The following ANKRD44 variants were observed in gnomAD, a reference collection of about 807,000 sequenced individuals.
The protein encoded by ANKRD44 is serine/threonine-protein phosphatase 6 regulatory ankyrin repeat subunit B.
Under a neutral mutation model 116.0 loss-of-function variants are expected in ANKRD44, and 35 were observed. The ratio of observed to expected loss-of-function variants is 0.30; its 90% CI spans 0.23 to 0.40. ANKRD44 has a LOEUF of 0.40. Ranked by LOEUF, ANKRD44 falls within the 10% of genes least tolerant of loss-of-function variation. ANKRD44 has a pLI of 1.00. For missense variants in ANKRD44, 1,014 were observed against 1,242.6 expected, an observed-to-expected ratio of 0.82 and a Z score of 2.77; for synonymous variants, 435 against 461.8, an observed-to-expected ratio of 0.94 and a Z score of 0.74.
intron 18 of ANKRD44, among the ~76,000 whole-genome samples, chr2:197,012,162 C>G (rs764099333): frequency 2.6e-5 from 4 of 152,210 alleles, no homozygotes; most frequent in Non-Finnish European, 5.9e-5. Context: ...ATTTTGTGAA[C>G]AGTCCAGTGA....
At position 197,125,884 on chromosome 2, in the gene ANKRD44, C is replaced by T. The variant is rs749325331; in HGVS notation, c.415G>A (p.Gly139Arg). Residue 139 changes from glycine to arginine, a missense_variant, in exon 5 of 28, where the codon GGG (glycine) becomes AGG (arginine). Physicochemically the swap from Gly to Arg is moderately radical, Grantham distance 125 (BLOSUM62 -2). Coordinates refer to ENST00000282272, the MANE Select transcript of ANKRD44 (RefSeq NM_001195144.2). ...LLSSVNVSDR[G>R]GRTALHHAAL... is the part of the protein sequence containing the mutation. ...GCATGGTGCAAGGCTGTGCGCCCCC[C>T]TCGGTCGGAGACATTGACACTGCTC... The T allele has an allele frequency of 6.2e-6, 10 of 1,614,230 alleles. No individual in the cohort carries two copies. The highest frequency in any genetic ancestry group is 8.5e-6 in the Non-Finnish European group (10 of 1,180,050).
chr2:197,050,889 G>A (rs2077094102), intron 16 of ANKRD44, among the ~76,000 whole-genome samples: 1 of 151,886 alleles, frequency 6.6e-6, no homozygotes, highest in South Asian at 2.1e-4. Context: ...ATTCTCAGCT[G>A]TGATTGAGTT....
At chr2:197,078,938 C>T (rs1407241065) in intron 15 of ANKRD44, 124 bp from the exon 16 acceptor site, 2 of 944,312 alleles carry the variant, frequency 2.1e-6, no homozygotes, top group Non-Finnish European at 3.0e-6. Context: ...CTTTAAAAAT[C>T]CTACAGCAAT....
rs190632502 is a variant in ANKRD44 at position 197,068,650 on chromosome 2, G to A, written c.1650+10053C>T. ...CAACCCCATCAAAAAGTGGGCAAAG[G>A]ATATGAACAGACAGAAAACATTTAT... On this transcript the variant is annotated intron_variant, in intron 16 of 27. Transcript: ENST00000282272. Among the ~76,000 whole-genome samples, 824 of 152,136 alleles carry A rather than the reference G, an allele frequency of 5.4e-3. 7 individuals are homozygous for A. Among genetic ancestry groups the A allele is most frequent in the Non-Finnish European group, 8.6e-3 (587 of 67,994 alleles).
At position 197,162,233 on chromosome 2, in the gene ANKRD44, A is replaced by G. The variant is rs533074522; in HGVS notation, c.112-15128T>C. ...CCCCAAGATGATATGCTTATGTTTT[A>G]AGCACAGCTGTTCCAACATGATTTT... On this transcript the variant is annotated intron_variant, in intron 2 of 27. Transcript: ENST00000282272. Among the ~76,000 whole-genome samples the G allele has an allele frequency of 5.3e-5, 8 of 152,324 alleles. No homozygotes were observed. The East Asian group carries it at 1.5e-3, about 29-fold the overall frequency.
intron 17 of ANKRD44, 142 bp from the exon 18 acceptor site, chr2:197,013,854 T>A: frequency 1.3e-6 from 1 of 761,244 alleles, no homozygotes; most frequent in Non-Finnish European, 2.2e-6. Flanking sequence ...GAATATTTAT[T>A]AAAACTCAGG....
intron 1 of ANKRD44, among the ~76,000 whole-genome samples, chr2:197,223,638 G>A (rs566760812): frequency 3.3e-5 from 5 of 152,270 alleles, no homozygotes; most frequent in African/African-American, 1.2e-4. Flanking sequence ...CAGATGCAAA[G>A]TTTTTCCCAG....
At chr2:197,165,653 T>C (rs1175021752) in intron 2 of ANKRD44, among the ~76,000 whole-genome samples, 1 of 152,212 alleles carries the variant, frequency 6.6e-6, no homozygotes, top group African/African-American at 2.4e-5. Context: ...TGCTGGAGTT[T>C]TCCTGGGAGC....
At chr2:197,285,738 A>G (rs1016806961) in intron 1 of ANKRD44, among the ~76,000 whole-genome samples, 1 of 152,232 alleles carries the variant, frequency 6.6e-6, no homozygotes, top group Non-Finnish European at 1.5e-5. Flanking sequence ...TTGCAGAAAA[A>G]CAAAAAGGAA....
intron 3 of ANKRD44, among the ~76,000 whole-genome samples, 173 bp downstream of exon 3, chr2:197,146,854 A>G (rs1559102311): frequency 6.6e-6 from 1 of 152,236 alleles, no homozygotes; most frequent in African/African-American, 2.4e-5. Flanking sequence ...GTCATTTTTC[A>G]ATAAGAACAA....
intron 1 of ANKRD44, among the ~76,000 whole-genome samples, chr2:197,239,405 AT>A (rs1217204663): frequency 1.3e-5 from 2 of 152,002 alleles, no homozygotes; most frequent in Non-Finnish European, 2.9e-5. Context: ...CTAGTATTTT[AT>A]TTTTTGTAGA....
At chr2:196,980,028 C>T (rs1448963173) in intron 21 of ANKRD44, among the ~76,000 whole-genome samples, 2 of 152,164 alleles carry the variant, frequency 1.3e-5, no homozygotes, top group African/African-American at 4.8e-5. Context: ...ATGTTCTTAT[C>T]TCTAGGAACT....
chr2:197,162,595 G>A (rs116304137), intron 2 of ANKRD44, among the ~76,000 whole-genome samples: 3 of 152,280 alleles, frequency 2.0e-5, no homozygotes, highest in Non-Finnish European at 2.9e-5. Context: ...ACAAAACAGG[G>A]AGCCTCTAAT....
intron 18 of ANKRD44, among the ~76,000 whole-genome samples, chr2:197,010,012 GA>G (rs1174729397): frequency 6.6e-6 from 1 of 152,044 alleles, no homozygotes; most frequent in Non-Finnish European, 1.5e-5. Flanking sequence ...AGAAGGGAGA[GA>G]AGGGAGTGGA....
At chr2:197,207,068 C>T (rs1269868854) in intron 1 of ANKRD44, among the ~76,000 whole-genome samples, 3 of 152,146 alleles carry the variant, frequency 2.0e-5, no homozygotes, top group African/African-American at 7.2e-5. Flanking sequence ...TTCTCAAAAA[C>T]TTACTAAATG....
intron 16 of ANKRD44, among the ~76,000 whole-genome samples, chr2:197,032,399 T>G (rs568677717): frequency 1.6e-4 from 24 of 151,568 alleles, no homozygotes; most frequent in African/African-American, 4.6e-4. Context: ...ACTTTTTTTT[T>G]TTTTTTTGAG....
rs147455200 is a variant in ANKRD44, at chr2:196,968,642, G to T, written c.2369-1196C>A. On this transcript the variant is annotated intron_variant, in intron 21 of 21. Transcript: ENST00000424317. The stretch of plus-strand genomic sequence containing the variant: ...CATTCTGAAGAATTTCCTCTTCTCA[G>T]CTCTCTGAACATACCTCATTTATCT... Among the ~76,000 whole-genome samples the T allele has an allele frequency of 4.3e-3, 650 of 152,230 alleles. 3 individuals carry two copies. The highest frequency in any genetic ancestry group is 0.015 in the African/African-American group (614 of 41,546).
intron 5 of ANKRD44, 111 bp downstream of exon 5, chr2:197,125,726 G>T: frequency 8.0e-7 from 1 of 1,252,900 alleles, no homozygotes; most frequent in South Asian, 1.3e-5. Context: ...AAGGTTTGGT[G>T]TACAAATATT....
chr2:197,299,327 C>T (rs1447572094), intron 1 of ANKRD44, among the ~76,000 whole-genome samples: 1 of 152,182 alleles, frequency 6.6e-6, no homozygotes, highest in Non-Finnish European at 1.5e-5. Flanking sequence ...GGCAATCCCA[C>T]TCCTGGGTAT....
Sources: gnomAD v4.1 joint callset for allele counts (sites outside exome capture counted in the v4.1 genomes callset) on GRCh38, gnomAD v4.1.1 for gene constraint, MANE v1.5 for transcripts, NCBI Gene and HGNC (gene_info 2026-07-23, HGNC 2026-07-21) for gene names.